REV1: variants seen among roughly 807,000 people sequenced by gnomAD.
The protein encoded by REV1 is translesion synthesis protein REV1.
A neutral mutation model predicts 137.4 loss-of-function variants in REV1; 42 were observed. The ratio of observed to expected loss-of-function variants is 0.31; its 90% CI spans 0.24 to 0.40. REV1 has a LOEUF of 0.40. Ranked by LOEUF, REV1 falls within the 10% of genes least tolerant of loss-of-function variation. REV1 has a pLI of 1.00. For missense variants in REV1, 1,282 were observed against 1,490.1 expected, an observed-to-expected ratio of 0.86 and a Z score of 2.30; for synonymous variants, 524 against 519.2, an observed-to-expected ratio of 1.01 and a Z score of -0.12.
At chr2:99,417,356 C>T (rs1396107614) in intron 12 of REV1, among the ~76,000 whole-genome samples, 1 of 152,130 alleles carries the variant, frequency 6.6e-6, no homozygotes, top group Non-Finnish European at 1.5e-5. Flanking sequence ...GTTGGCCAGG[C>T]TGGTCTTGAA....
At chr2:99,484,294 G>A (rs530898716) in intron 1 of REV1, among the ~76,000 whole-genome samples, 1 of 152,246 alleles carries the variant, frequency 6.6e-6, no homozygotes, top group African/African-American at 2.4e-5. Flanking sequence ...ATACCTGAGT[G>A]ATGAAACAAT....
At chr2:99,429,054 G>A (rs1320488187) in intron 9 of REV1, among the ~76,000 whole-genome samples, 4 of 146,258 alleles carry the variant, frequency 2.7e-5, no homozygotes, top group African/African-American at 9.9e-5. Context: ...TGAAATTATT[G>A]AATACTTTAA....
intron 3 of REV1, chr2:99,451,334 A>T (rs1682900062): frequency 9.7e-6 from 12 of 1,235,078 alleles, no homozygotes; most frequent in Middle Eastern, 4.6e-4. Flanking sequence ...ACATACTCAT[A>T]AAGTACTCAC....
chr2:99,477,365 C>T (rs755360311), intron 1 of REV1, among the ~76,000 whole-genome samples: 1 of 152,140 alleles, frequency 6.6e-6, no homozygotes, highest in Non-Finnish European at 1.5e-5. Context: ...CAGCTTCAAC[C>T]ATGGGAATAA....
At chr2:99,473,230 T>G (rs541866762) in intron 1 of REV1, among the ~76,000 whole-genome samples, 40 of 150,408 alleles carry the variant, frequency 2.7e-4, no homozygotes, top group African/African-American at 9.5e-4. Context: ...TAGCTGGGAG[T>G]GGTGGCGCAT....
In REV1 at chr2:99,439,271, G is replaced by C; in HGVS notation, c.543C>G (p.Val181=). 6.2e-7 allele frequency: 1 copy of C among 1,613,492 alleles called. No individual in the cohort carries two copies. The highest frequency in any genetic ancestry group is 1.1e-5 in the South Asian group (1 of 90,980). ...TCCAACTGTTCATGCCATTGACTTT[G>C]ACTTCATTTTCCGTTTCAATCTTCT... is the stretch of plus-strand genomic sequence containing the variant. ...IVKKIETENE[V]KVNGMNSWNE... Residue 181 remains valine (V), a synonymous_variant, in exon 6 of 23, where the codon GTC becomes GTG. Coordinates refer to ENST00000258428, the MANE Select transcript of REV1 (RefSeq NM_016316.4).
intron 9 of REV1, among the ~76,000 whole-genome samples, chr2:99,426,820 C>G (rs1679441349): frequency 6.6e-6 from 1 of 152,168 alleles, no homozygotes; most frequent in Non-Finnish European, 1.5e-5. Context: ...ATTTAAAGCA[C>G]AGAGGACATA....
chr2:99,462,463 T>C (rs760426620), intron 3 of REV1, 33 bp downstream of exon 3: 4 of 1,570,642 alleles, frequency 2.5e-6, no homozygotes, highest in Non-Finnish European at 3.4e-6. Flanking sequence ...TAAAAATACA[T>C]GCCAAAATAG....
At chr2:99,470,071 A>G (rs1352995433) in intron 1 of REV1, among the ~76,000 whole-genome samples, 2 of 151,720 alleles carry the variant, frequency 1.3e-5, no homozygotes, top group African/African-American at 4.8e-5. Flanking sequence ...CAGTGAGCCG[A>G]GATTGCACCA....
rs1682122150 is a variant in REV1, at chr2:99,445,754, C to T, written c.351-3285G>A. ...TAAAATAATTTCACACTTTAATGTA[C>T]ACAGGCTCCTCATGAAAGGATTCCC... On this transcript the variant is annotated intron_variant, in intron 4 of 22. Coordinates refer to ENST00000258428, the MANE Select transcript of REV1 (RefSeq NM_016316.4). Among the ~76,000 whole-genome samples the T allele has an allele frequency of 2.6e-5, 4 of 152,140 alleles. No homozygotes were observed. In the South Asian group the frequency reaches 8.3e-4, roughly 31 times the overall value.
chr2:99,479,980 G>T (rs1686437727), intron 1 of REV1, among the ~76,000 whole-genome samples: 1 of 152,016 alleles, frequency 6.6e-6, no homozygotes, highest in Non-Finnish European at 1.5e-5. Context: ...GTGGGAAGGG[G>T]TGACATGAAG....
At chr2:99,415,187 C>T (rs536743786) in intron 12 of REV1, among the ~76,000 whole-genome samples, 18 of 152,184 alleles carry the variant, frequency 1.2e-4, no homozygotes, top group African/African-American at 2.2e-4. Context: ...TAACTAAATA[C>T]GTCAATTAAG....
chr2:99,416,025 G>GT, intron 12 of REV1, among the ~76,000 whole-genome samples: 1 of 152,340 alleles, frequency 6.6e-6, no homozygotes, highest in South Asian at 2.1e-4. Context: ...ACTTACTATT[G>GT]TGTTTTTCCT....
chr2:99,488,844 AATT>A (rs1419721897), intron 1 of REV1, among the ~76,000 whole-genome samples: 1 of 152,240 alleles, frequency 6.6e-6, no homozygotes, highest in African/African-American at 2.4e-5. Flanking sequence ...AGATACACAG[AATT>A]ACAGACTGTT....
intron 3 of REV1, among the ~76,000 whole-genome samples, chr2:99,461,514 G>T (rs1293444901): frequency 6.6e-6 from 1 of 152,214 alleles, no homozygotes; most frequent in African/African-American, 2.4e-5. Context: ...GAGGCATGGA[G>T]ACCTGAAAGA....
At chr2:99,409,545 A>G (rs748319460) in intron 14 of REV1, among the ~76,000 whole-genome samples, 23 of 152,208 alleles carry the variant, frequency 1.5e-4, no homozygotes, top group Non-Finnish European at 8.8e-5. Flanking sequence ...GCCCTGACAT[A>G]AAAGACGAGT....
chr2:99,455,325 T>A (rs947862584), intron 3 of REV1, among the ~76,000 whole-genome samples: 5 of 152,212 alleles, frequency 3.3e-5, no homozygotes, highest in African/African-American at 1.2e-4. Flanking sequence ...TTACTGTGCA[T>A]ACCCTTCTGT....
In REV1 at chr2:99,402,893, G is replaced by T; in HGVS notation, c.3380C>A (p.Pro1127His). The change falls in exon 20 of 23, where the codon CCC (proline) becomes CAC (histidine). Residue 1127 changes from proline to histidine, a missense_variant. Physicochemically the swap from Pro to His is moderately conservative, Grantham distance 77. Around this residue, in one of 7 missense-constraint regions of REV1, gnomAD observed 170 missense variants for 156.8 expected, o/e 1.08. Transcript: ENST00000258428. Reference sequence around the variant, plus strand: ...AGGTCAAAGTTAAGGAATTACCAGGGGTTTCTCTGCAGGAGGTCCTTCATG... The same window carrying T: ...AGGTCAAAGTTAAGGAATTACCAGGTGTTTCTCTGCAGGAGGTCCTTCATG... ...LKHEGPPAEK[P>H]LEELSASTSG... is the part of the protein sequence containing the mutation. 6.2e-7 allele frequency: 1 copy of T among 1,613,474 alleles called. No homozygotes were observed. Among genetic ancestry groups the T allele is most frequent in the South Asian group, 1.1e-5 (1 of 90,966 alleles).
chr2:99,404,322 T>G, intron 18 of REV1, 122 bp downstream of exon 18: 6 of 452,492 alleles, frequency 1.3e-5, no homozygotes, highest in East Asian at 1.0e-4. Flanking sequence ...TCCCCTCCCC[T>G]CCCCTCCCCA....
Sources: allele counts gnomAD v4.1 joint callset (sites outside exome capture counted in the v4.1 genomes callset), GRCh38; gene constraint gnomAD v4.1.1; regional missense constraint gnomAD v4.1.1; transcripts MANE v1.5; gene names NCBI Gene and HGNC (gene_info 2026-07-23, HGNC 2026-07-21).